CMSS1: variants seen among roughly 807,000 people sequenced by gnomAD.
The protein encoded by CMSS1 is cms1 ribosomal small subunit homolog.
Under a neutral mutation model 43.5 loss-of-function variants are expected in CMSS1, and 33 were observed. The observed-to-expected ratio is 0.76, with a 90% CI of 0.57 to 1.01. The LOEUF (loss-of-function observed/expected upper bound fraction) is 1.01, where lower values mean the gene tolerates loss of function less well. Ranked by LOEUF, CMSS1 falls within the 50% of genes least tolerant of loss-of-function variation. CMSS1 has a pLI of 0.00. For synonymous variants in CMSS1, 115 were observed against 117.2 expected (o/e 0.98, Z 0.12); for missense variants, 313 against 326.4 (o/e 0.96, Z 0.32).
At chr3:100,028,272 C>T (rs950265663) in intron 1 of CMSS1, among the ~76,000 whole-genome samples, 5 of 152,192 alleles carry the variant, frequency 3.3e-5, no homozygotes, top group African/African-American at 1.2e-4. Flanking sequence ...TGAAGTCACA[C>T]AGCTAACCTA....
At chr3:99,993,851 T>C (rs1348159295) in intron 1 of CMSS1, among the ~76,000 whole-genome samples, 1 of 152,224 alleles carries the variant, frequency 6.6e-6, no homozygotes, top group Non-Finnish European at 1.5e-5. Flanking sequence ...ATTATCTTTC[T>C]GATGTACTGG....
At chr3:99,953,211 CATTT>C (rs1708227880) in intron 1 of CMSS1, among the ~76,000 whole-genome samples, 1 of 152,078 alleles carries the variant, frequency 6.6e-6, no homozygotes, top group Admixed American at 6.5e-5. Flanking sequence ...TGTCAACAAT[CATTT>C]ATTTATATTG....
Position 100,117,890 on chromosome 3 carries a change from G to T in CMSS1, c.65-29083G>T, listed in dbSNP as rs2066589814. Reference sequence around the variant, plus strand: ...ATATATATATATATACACATACAATGGAGTATTACTCAGGCTTAAAGACGA... The same window carrying T: ...ATATATATATATATACACATACAATTGAGTATTACTCAGGCTTAAAGACGA... On this transcript the variant is annotated intron_variant, in intron 1 of 9. Transcript: ENST00000421999. Among the ~76,000 whole-genome samples, 2 of 120,610 alleles carry T rather than the reference G, an allele frequency of 1.7e-5. 1 individual carries two copies. Among genetic ancestry groups the T allele is most frequent in the South Asian group, 5.2e-4 (2 of 3,882 alleles). 79.1% of individuals were successfully genotyped at this position (120,610 alleles called of 152,430 possible).
chr3:100,094,863 T>TG (rs2066176543), intron 1 of CMSS1, among the ~76,000 whole-genome samples: 2 of 152,000 alleles, frequency 1.3e-5, no homozygotes, highest in South Asian at 4.2e-4. Context: ...TGTGTGTGTG[T>TG]TTTTTTAGTA....
rs1464031406 is a variant in CMSS1, at chr3:99,818,009, G to A, written c.30G>A (p.Trp10Ter). 2 of 1,613,876 alleles carry A rather than the reference G, an allele frequency of 1.2e-6. No homozygotes were observed. Among genetic ancestry groups the A allele is most frequent in the Non-Finnish European group, 1.7e-6 (2 of 1,180,012 alleles). The part of the protein sequence containing the change: MADDLGDEW[W>*]ENQPTGAGSS... ...CAGACGATCTCGGAGACGAGTGGTG[G>A]GAGAACCAGCCGACTGGAGCAGGCA... Residue 10 changes from tryptophan to a stop codon, truncating the protein, a stop_gained, in exon 1 of 10, where the codon TGG becomes TGA. Coordinates refer to ENST00000421999, the MANE Select transcript of CMSS1 (RefSeq NM_032359.4). LOFTEE classifies it high-confidence loss of function.
At chr3:100,172,295 T>G in intron 7 of CMSS1, 21 bp from the exon 8 acceptor site, 1 of 1,608,214 alleles carries the variant, frequency 6.2e-7, no homozygotes, top group Non-Finnish European at 8.5e-7. Context: ...CTTTTCTTTC[T>G]TCTCTTTCAT....
At chr3:100,136,086 C>T (rs577702114) in intron 1 of CMSS1, among the ~76,000 whole-genome samples, 1 of 152,246 alleles carries the variant, frequency 6.6e-6, no homozygotes, top group African/African-American at 2.4e-5. Context: ...ACTCTCCTTT[C>T]CAGTTCAGAA....
intron 4 of CMSS1, among the ~76,000 whole-genome samples, chr3:100,165,341 A>G (rs959091368): frequency 1.3e-5 from 2 of 151,982 alleles, no homozygotes; most frequent in East Asian, 1.9e-4. Flanking sequence ...ATTGTTTTTT[A>G]TTGTATTGTT....
chr3:100,168,914 TACACACAC>T (rs534018826), intron 6 of CMSS1, among the ~76,000 whole-genome samples: 2 of 149,934 alleles, frequency 1.3e-5, no homozygotes, highest in African/African-American at 4.9e-5. Flanking sequence ...CACATATATA[TACACACAC>T]ACACACACGC....
chr3:99,953,894 C>A (rs951287472), intron 1 of CMSS1, among the ~76,000 whole-genome samples: 6 of 152,246 alleles, frequency 3.9e-5, no homozygotes, highest in African/African-American at 1.2e-4. Flanking sequence ...GGCACCAAGG[C>A]ATACCTCCCA....
intron 1 of CMSS1, among the ~76,000 whole-genome samples, chr3:99,902,962 T>C (rs1190081156): frequency 6.6e-6 from 1 of 152,208 alleles, no homozygotes; most frequent in African/African-American, 2.4e-5. Context: ...ATACTCCTGT[T>C]CACCTAAACC....
At chr3:99,957,336 T>G (rs1708348668) in intron 1 of CMSS1, among the ~76,000 whole-genome samples, 1 of 152,098 alleles carries the variant, frequency 6.6e-6, no homozygotes, top group African/African-American at 2.4e-5. Flanking sequence ...ACAGAAAGTA[T>G]TTAGTTGAAG....
At chr3:99,918,972 G>A (rs550595415) in intron 1 of CMSS1, among the ~76,000 whole-genome samples, 1 of 152,292 alleles carries the variant, frequency 6.6e-6, no homozygotes, top group South Asian at 2.1e-4. Flanking sequence ...GGAAATGATT[G>A]CATTTGAGTA....
chr3:100,093,622 T>A (rs2066152037), intron 1 of CMSS1, among the ~76,000 whole-genome samples: 1 of 152,164 alleles, frequency 6.6e-6, no homozygotes. Flanking sequence ...CCAGTATATT[T>A]ACATTGATAC....
chr3:100,037,966 G>T (rs985649316), intron 1 of CMSS1, among the ~76,000 whole-genome samples: 6 of 7,348 alleles, frequency 8.2e-4, no homozygotes, highest in African/African-American at 1.8e-3. Context: ...TGGGGGGGGA[G>T]GGAACAGAGT....
intron 1 of CMSS1, among the ~76,000 whole-genome samples, chr3:99,975,282 G>C (rs1373786201): frequency 6.6e-6 from 1 of 152,198 alleles, no homozygotes; most frequent in Admixed American, 6.5e-5. Flanking sequence ...TCGAGGAACT[G>C]TTGTAAGTGC....
At chr3:100,010,149 G>T in intron 1 of CMSS1, 1 of 973,620 alleles carries the variant, frequency 1.0e-6, no homozygotes, top group Middle Eastern at 5.3e-4. Flanking sequence ...TCTGATTGGA[G>T]CCACATTTCA....
intron 1 of CMSS1, among the ~76,000 whole-genome samples, chr3:99,822,025 T>C (rs1942448610): frequency 6.6e-6 from 1 of 151,944 alleles, no homozygotes; most frequent in South Asian, 2.1e-4. Context: ...CAGCCTGTGC[T>C]ACAGACTGAG....
At chr3:100,157,475 T>C (rs918087785) in intron 2 of CMSS1, among the ~76,000 whole-genome samples, 4 of 152,204 alleles carry the variant, frequency 2.6e-5, no homozygotes, top group Admixed American at 2.0e-4. Flanking sequence ...ACTGAAACAG[T>C]GATGAGTTGG....
Sources: allele counts gnomAD v4.1 joint callset (sites outside exome capture counted in the v4.1 genomes callset), GRCh38; gene constraint gnomAD v4.1.1; transcripts MANE v1.5; gene names NCBI Gene and HGNC (gene_info 2026-07-23, HGNC 2026-07-21).